The following UNC45A variants were observed in gnomAD, a reference collection of about 807,000 sequenced individuals.
The protein encoded by UNC45A is unc-45 myosin chaperone A, also known as protein unc-45 homolog A.
Under a neutral mutation model 103.2 loss-of-function variants are expected in UNC45A, and 78 were observed. The ratio of observed to expected loss-of-function variants is 0.76; its 90% CI spans 0.63 to 0.91. The LOEUF (loss-of-function observed/expected upper bound fraction) is 0.91, where lower values mean the gene tolerates loss of function less well. Among genes scored for constraint, UNC45A ranks in the 40% least tolerant of loss-of-function variants. UNC45A has a pLI of 0.00. For synonymous variants in UNC45A, 495 were observed against 504.6 expected (o/e 0.98, Z 0.25); for missense variants, 1,193 against 1,224.8 (o/e 0.97, Z 0.39).
chr15:90,942,437 A>G lies in UNC45A; in HGVS notation c.688A>G (p.Thr230Ala). 6.2e-7 allele frequency: 1 copy of G among 1,606,304 alleles called. No individual in the cohort carries two copies. Among genetic ancestry groups the G allele is most frequent in the East Asian group, 2.2e-5 (1 of 44,700 alleles). ...CTTCTGTTTACCTCTCCCACCCCAG[A>G]CAGTGGCAACCCTGAGCATACTGGG... ...VGICSEHQSR[T>A]VATLSILGTR... Residue 230 changes from threonine (T) to alanine (A), a missense_variant and splice_region_variant, in exon 7 of 20, where the codon ACA (threonine) becomes GCA (alanine). Thr to Ala is a moderately conservative substitution (Grantham distance 58, BLOSUM62 0). Coordinates refer to ENST00000418476, the MANE Select transcript of UNC45A (RefSeq NM_018671.5).
Position 90,947,802 on chromosome 15 carries a change from T to C in UNC45A, c.1507T>C (p.Cys503Arg). Residue 503 changes from cysteine to arginine, a missense_variant, in exon 11 of 20, where the codon TGT (cysteine) becomes CGT (arginine). Physicochemically the swap from Cys to Arg is radical, Grantham distance 180. Transcript: ENST00000418476. Reference protein sequence around the residue: ...SIRIRALVGLCKLGSAGGTDF... With the variant: ...SIRIRALVGLRKLGSAGGTDF... ...TCTTGCCCTCTTCCTCCAGGGACTC[T>C]GTAAGCTCGGTTCGGCTGGAGGGAC... The C allele has an allele frequency of 6.2e-7, 1 of 1,614,036 alleles. No individual in the cohort carries two copies. Among genetic ancestry groups the C allele is most frequent in the Non-Finnish European group, 8.5e-7 (1 of 1,179,930 alleles).
intron 7 of UNC45A, 109 bp downstream of exon 7, chr15:90,942,714 T>C: frequency 1.9e-6 from 3 of 1,567,274 alleles, no homozygotes; most frequent in Non-Finnish European, 2.6e-6. Flanking sequence ...TGCAGGTTGT[T>C]TGGAATACGG....
intron 4 of UNC45A, among the ~76,000 whole-genome samples, chr15:90,937,057 C>T: frequency 6.6e-6 from 1 of 152,154 alleles, no homozygotes. Context: ...ATGAACAAAG[C>T]AAAATAGGCA....
chr15:90,939,636 C>A, intron 4 of UNC45A, 95 bp from the exon 5 acceptor site: 2 of 1,342,328 alleles, frequency 1.5e-6, no homozygotes, highest in African/African-American at 1.4e-5. Context: ...CTTTACTGTG[C>A]CTCCCAGAGT....
intron 17 of UNC45A, among the ~76,000 whole-genome samples, chr15:90,951,477 A>G (rs1284511243): frequency 6.6e-6 from 1 of 152,150 alleles, no homozygotes; most frequent in East Asian, 1.9e-4. Flanking sequence ...AAATACTCAA[A>G]TGAGGCCGGG....
chr15:90,936,326 C>T lies in UNC45A; in HGVS notation c.292C>T (p.Arg98Trp), dbSNP rs369103911. 26 of 1,613,982 alleles carry T rather than the reference C, an allele frequency of 1.6e-5. No homozygotes were observed. Among genetic ancestry groups the T allele is most frequent in the Admixed American group, 3.3e-5 (2 of 59,982 alleles). ...DGGDVKALYR[R>W]SQALEKLGRL... Reference sequence around the variant, plus strand: ...TGGGGATGTCAAAGCACTCTACCGGCGGAGCCAAGCCCTAGAGAAGCTGGG... The same window carrying T: ...TGGGGATGTCAAAGCACTCTACCGGTGGAGCCAAGCCCTAGAGAAGCTGGG... Residue 98 changes from arginine (R) to tryptophan (W), a missense_variant, in exon 4 of 20, where the codon CGG becomes TGG. Coordinates refer to ENST00000418476, the MANE Select transcript of UNC45A (RefSeq NM_018671.5).
rs993276001 is a variant in UNC45A, at chr15:90,946,516, C to T, written c.1200-98C>T. 5.1e-6 allele frequency: 7 copies of T among 1,371,118 alleles called. No homozygotes were observed. The East Asian group carries it at 1.3e-4, about 25-fold the overall frequency. 84.9% of individuals were successfully genotyped at this position (1,371,118 alleles called of 1,614,324 possible). A position where few individuals can be genotyped will look rare whatever the true frequency, so the allele number is the denominator to read the frequency against. ...TGGCAGCTTTCCTGCTGTTTCTGCC[C>T]AAGTAGTGCAGGTGCCTGGCCAGTG... On this transcript the variant is annotated intron_variant, in intron 9 of 19. Transcript: ENST00000418476.
Position 90,953,697 on chromosome 15 carries a change from C to T in UNC45A, c.2816C>T (p.Pro939Leu). 6.2e-7 allele frequency: 1 copy of T among 1,613,938 alleles called. No individual in the cohort carries two copies. The highest frequency in any genetic ancestry group is 8.5e-7 in the Non-Finnish European group (1 of 1,179,954). Residue 939 changes from proline to leucine, a missense_variant, in exon 20 of 20, where the codon CCC becomes CTC. Transcript: ENST00000418476. Reference sequence around the variant, plus strand: ...GCAGTGGAATATGGGCTTATCCAACCCAACCAAGATGGAGAGTGAGGGGGT... The same window carrying T: ...GCAGTGGAATATGGGCTTATCCAACTCAACCAAGATGGAGAGTGAGGGGGT... The part of the protein sequence containing the change: ...DKAVEYGLIQ[P>L]NQDGE
chr15:90,945,105 C>CG lies in UNC45A; in HGVS notation c.1199+43dup, dbSNP rs1567155783. On this transcript the variant is annotated intron_variant, in intron 9 of 19. Transcript: ENST00000418476. ...CACCTCCCGTTGCCAGGGATTCTAG[C>CG]GAAAAAGTTCTGACTCCTTGAGGAG... 2.5e-6 allele frequency: 4 copies of CG among 1,599,162 alleles called. No individual in the cohort carries two copies. In the South Asian group the frequency reaches 4.5e-5, roughly 18 times the overall value.
intron 13 of UNC45A, 149 bp from the exon 14 acceptor site, chr15:90,949,167 T>A (rs1334164460): frequency 1.3e-5 from 15 of 1,150,218 alleles, no homozygotes; most frequent in Non-Finnish European, 1.6e-5. Context: ...TGAGCCACCG[T>A]GCCCAGCCAA....
chr15:90,933,887 C>T, upstream of UNC45A: 1 of 395,538 alleles, frequency 2.5e-6, no homozygotes, highest in Non-Finnish European at 4.4e-6. Flanking sequence ...TCATCTCTCT[C>T]TAAAAGCCTG....
In UNC45A at chr15:90,953,479, C is replaced by G; in HGVS notation, c.2598C>G (p.Ile866Met). 6.2e-7 allele frequency: 1 copy of G among 1,613,878 alleles called. No homozygotes were observed. The highest frequency in any genetic ancestry group is 8.5e-7 in the Non-Finnish European group (1 of 1,180,032). The change falls in exon 20 of 20, where the codon ATC becomes ATG. Residue 866 changes from isoleucine to methionine, a missense_variant. Ile to Met is a conservative substitution (Grantham distance 10). Transcript: ENST00000418476. ...CACAGACCACACACTGGCTGGAGAT[C>G]CTGCAGGCCCTGCTTCTGAGCTCCA... is the stretch of plus-strand genomic sequence containing the variant. The part of the protein sequence containing the change: ...IPQVTTHWLE[I>M]LQALLLSSNQ...
chr15:90,953,951 G>A lies in UNC45A; in HGVS notation c.*235G>A. ...AGAGGGGCCCTTTTTCTGTACTACT[G>A]TAGTCAGCTGGGAATGGGGAAGGTG... On this transcript the variant is annotated 3_prime_UTR_variant, in exon 20 of 20. Coordinates refer to ENST00000418476, the MANE Select transcript of UNC45A (RefSeq NM_018671.5). The A allele has an allele frequency of 1.7e-6, 1 of 585,712 alleles. No homozygotes were observed. The highest frequency in any genetic ancestry group is 2.0e-5 in the South Asian group (1 of 49,454). The allele number at this position is 585,712 out of a possible 1,614,324, so 36.3% of individuals were successfully genotyped here.
Position 90,949,487 on chromosome 15 carries a change from C to CCTCAGGG in UNC45A, c.2006+47_2006+53dup, listed in dbSNP as rs765558927. ...GAGCCAACCTTTCCCAACTCCTGAG[C>CCTCAGGG]CTCAGGGCTGCAGATGTGGCTCCAG... On this transcript the variant is annotated intron_variant, in intron 14 of 19. Transcript: ENST00000418476. 5 of 1,609,112 alleles carry CCTCAGGG rather than the reference C, an allele frequency of 3.1e-6. No individual in the cohort carries two copies. The East Asian group carries it at 1.1e-4, about 36-fold the overall frequency.
upstream of UNC45A, chr15:90,931,132 T>G: frequency 9.9e-6 from 10 of 1,008,672 alleles, no homozygotes; most frequent in South Asian, 1.6e-4. Context: ...ACCTTCAGAC[T>G]GAGAAAAAAT....
rs377320920 is a variant in UNC45A, at chr15:90,949,720, G to T, written c.2073G>T (p.Arg691Ser). ...CTGTGGTTGCCCAGGGAGGCGGCAG[G>T]GTAAGCTGGTTTACACACCCCTTCC... ...RGTVVAQGGG[R>S]ALIPLALEGT... Residue 691 changes from arginine to serine, a missense_variant and splice_region_variant, in exon 15 of 20, where the codon AGG becomes AGT. By Grantham distance (110) the Arg-to-Ser change is moderately radical. Transcript: ENST00000418476. 1.8e-4 allele frequency: 294 copies of T among 1,613,976 alleles called. No individual in the cohort carries two copies. Among genetic ancestry groups the T allele is most frequent in the Non-Finnish European group, 2.4e-4 (287 of 1,180,026 alleles).
chr15:90,943,272 A>T (rs1169335802), intron 8 of UNC45A, among the ~76,000 whole-genome samples, 190 bp downstream of exon 8: 5 of 151,674 alleles, frequency 3.3e-5, no homozygotes, highest in South Asian at 4.2e-4. Flanking sequence ...ATGAAAAATT[A>T]AAAAAAATTA....
Position 90,953,549 on chromosome 15 carries a change from G to A in UNC45A, c.2668G>A (p.Val890Met), listed in dbSNP as rs761739266. Residue 890 changes from valine to methionine, a missense_variant, in exon 20 of 20, where the codon GTG becomes ATG. Coordinates refer to ENST00000418476, the MANE Select transcript of UNC45A (RefSeq NM_018671.5). ...HRGAVVVLNM[V>M]EASREIASTL... ...GGGTGCTGTGGTGGTGCTGAACATG[G>A]TGGAGGCCTCGAGGGAGATTGCCAG... 2.5e-6 allele frequency: 4 copies of A among 1,614,162 alleles called. No homozygotes were observed. The highest frequency in any genetic ancestry group is 3.4e-6 in the Non-Finnish European group (4 of 1,180,046).
rs542672296 is a variant in UNC45A, at chr15:90,948,947, G to A, written c.1878+153G>A. Among the ~76,000 whole-genome samples the A allele has an allele frequency of 2.7e-5, 4 of 149,380 alleles. No homozygotes were observed. The Admixed American group carries it at 2.7e-4, about 10-fold the overall frequency. On this transcript the variant is annotated intron_variant, in intron 13 of 19. Coordinates refer to ENST00000418476, the MANE Select transcript of UNC45A (RefSeq NM_018671.5). The stretch of plus-strand genomic sequence containing the variant: ...GCTGGAGTGCAGTGATGCGATCTCG[G>A]CTCACTGCAAGCTCCGCCTCCCGGG...
Sources: gnomAD v4.1 joint callset for allele counts (sites outside exome capture counted in the v4.1 genomes callset) on GRCh38, gnomAD v4.1.1 for gene constraint, MANE v1.5 for transcripts, NCBI Gene and HGNC (gene_info 2026-07-23, HGNC 2026-07-21) for gene names.